The following RNGTT variants were observed in gnomAD, a reference collection of about 807,000 sequenced individuals.
RNGTT encodes mRNA-capping enzyme.
In RNGTT, 33 loss-of-function variants were observed where a neutral mutation model predicts 79.3. The observed-to-expected ratio is 0.42, with a 90% CI of 0.32 to 0.56. RNGTT has a LOEUF of 0.56. RNGTT is among the 20% of genes least tolerant of loss of function. The probability of loss-of-function intolerance (pLI) is 0.17; values close to 1 mark genes in which losing one functional copy is unlikely to be tolerated. For synonymous variants in RNGTT, 222 were observed against 235.9 expected (o/e 0.94, Z 0.54); for missense variants, 497 against 739.1 (o/e 0.67, Z 3.80).
At chr6:88,865,837 G>A (rs775414834) in intron 8 of RNGTT, among the ~76,000 whole-genome samples, 4 of 151,900 alleles carry the variant, frequency 2.6e-5, no homozygotes, top group Non-Finnish European at 4.4e-5. Context: ...CAATAAACCC[G>A]AAAGCTATAA....
Position 88,612,809 on chromosome 6 carries a change from A to C in RNGTT, c.1704T>G (p.Ala568=). 1 of 1,613,748 alleles carries C rather than the reference A, an allele frequency of 6.2e-7. No individual in the cohort carries two copies. The highest frequency in any genetic ancestry group is 8.5e-7 in the Non-Finnish European group (1 of 1,179,956). ...LFEFIDRCTA[A]SQGQKRKHHL... The stretch of plus-strand genomic sequence containing the variant: ...GATGTTTTCGCTTCTGTCCTTGAGA[A>C]GCTGCAGTACATCTGTCGATGAACT... Residue 568 remains alanine (A), a synonymous_variant, in exon 16 of 16, where the codon GCT becomes GCG. Transcript: ENST00000369485.
chr6:88,797,941 C>CAAAAAA (rs143559265), intron 12 of RNGTT, among the ~76,000 whole-genome samples: 1 of 65,812 alleles, frequency 1.5e-5, no homozygotes, highest in East Asian at 4.6e-4. Flanking sequence ...AAGCAAAAGC[C>CAAAAAA]AAAAAAAAAA....
At chr6:88,829,642 G>A (rs1378385465) in intron 11 of RNGTT, among the ~76,000 whole-genome samples, 1 of 146,692 alleles carries the variant, frequency 6.8e-6, no homozygotes, top group East Asian at 2.1e-4. Flanking sequence ...GCTCCTATGT[G>A]TGTGCAAAGA....
chr6:88,670,849 G>A lies in RNGTT; in HGVS notation c.1506+7504C>T, dbSNP rs140956306. 5.5e-3 allele frequency among the ~76,000 whole-genome samples: 841 copies of A among 152,206 alleles called. 8 individuals carry two copies. Among genetic ancestry groups the A allele is most frequent in the African/African-American group, 0.017 (726 of 41,528 alleles). The stretch of plus-strand genomic sequence containing the variant: ...CAGGAATCTTTACTTTGGGGAGCTC[G>A]GATCTTGAGACGCGAGTCTACCAAT... On this transcript the variant is annotated intron_variant, in intron 14 of 15. Transcript: ENST00000369485.
At chr6:88,755,982 A>AAAG (rs1314357025) in intron 13 of RNGTT, among the ~76,000 whole-genome samples, 1 of 150,778 alleles carries the variant, frequency 6.6e-6, no homozygotes, top group Non-Finnish European at 1.5e-5. Context: ...AAAAAAAAAA[A>AAAG]AAGAACATCT....
At chr6:88,711,776 A>C (rs939762816) in intron 13 of RNGTT, among the ~76,000 whole-genome samples, 2 of 152,208 alleles carry the variant, frequency 1.3e-5, no homozygotes, top group African/African-American at 4.8e-5. Flanking sequence ...AGTAAGGAGC[A>C]TTTGTTAGTT....
intron 1 of RNGTT, among the ~76,000 whole-genome samples, chr6:88,955,548 CAAAA>C (rs574649990): frequency 3.6e-5 from 2 of 55,758 alleles, no homozygotes; most frequent in African/African-American, 6.6e-5. Flanking sequence ...AGACTCATCT[CAAAA>C]AAAAAAAAAA....
intron 14 of RNGTT, among the ~76,000 whole-genome samples, chr6:88,665,403 T>A (rs1774360941): frequency 6.6e-6 from 1 of 152,110 alleles, no homozygotes; most frequent in Admixed American, 6.5e-5. Flanking sequence ...TATAGTGCCT[T>A]GTCAGTCTCC....
At chr6:88,688,311 T>C (rs1267666682) in intron 13 of RNGTT, among the ~76,000 whole-genome samples, 1 of 152,170 alleles carries the variant, frequency 6.6e-6, no homozygotes, top group Non-Finnish European at 1.5e-5. Flanking sequence ...ATAAGGACTA[T>C]CAGTAAGGCC....
chr6:88,810,535 T>TG (rs1232539580), intron 11 of RNGTT, among the ~76,000 whole-genome samples: 2 of 152,060 alleles, frequency 1.3e-5, no homozygotes, highest in African/African-American at 4.8e-5. Context: ...ACAGTCTCCA[T>TG]GAAAAAAAGG....
chr6:88,759,667 C>T (rs1778142615), intron 13 of RNGTT, among the ~76,000 whole-genome samples: 1 of 152,156 alleles, frequency 6.6e-6, no homozygotes, highest in African/African-American at 2.4e-5. Flanking sequence ...CACTGAGAAC[C>T]CTGACTCCCA....
intron 1 of RNGTT, among the ~76,000 whole-genome samples, chr6:88,955,303 C>A (rs1785389778): frequency 6.6e-6 from 1 of 152,064 alleles, no homozygotes; most frequent in African/African-American, 2.4e-5. Flanking sequence ...GCAATCCTAG[C>A]ACTTTGGGAG....
At chr6:88,893,155 C>A (rs1783110299) in intron 6 of RNGTT, among the ~76,000 whole-genome samples, 1 of 152,008 alleles carries the variant, frequency 6.6e-6, no homozygotes, top group South Asian at 2.1e-4. Context: ...GAAAGCTCAA[C>A]CAGATAGATG....
intron 1 of RNGTT, among the ~76,000 whole-genome samples, chr6:88,952,503 A>T (rs772793019): frequency 5.3e-5 from 8 of 152,254 alleles, no homozygotes; most frequent in Non-Finnish European, 7.3e-5. Context: ...CTGAAAGCCA[A>T]CTAACTCAGG....
At chr6:88,724,444 G>T (rs1178574311) in intron 13 of RNGTT, among the ~76,000 whole-genome samples, 1 of 152,154 alleles carries the variant, frequency 6.6e-6, no homozygotes, top group Non-Finnish European at 1.5e-5. Flanking sequence ...TAGCCTAGGA[G>T]CAATCCGCTA....
intron 2 of RNGTT, among the ~76,000 whole-genome samples, chr6:88,933,917 T>C (rs887656917): frequency 2.0e-5 from 3 of 152,254 alleles, no homozygotes; most frequent in Non-Finnish European, 4.4e-5. Flanking sequence ...GAAATTTCCA[T>C]ACTGTTTTCC....
At chr6:88,889,295 C>T (rs1451622678) in intron 8 of RNGTT, among the ~76,000 whole-genome samples, 1 of 151,676 alleles carries the variant, frequency 6.6e-6, no homozygotes, top group Admixed American at 6.6e-5. Flanking sequence ...TTAAATATTC[C>T]CAATAAAAAT....
chr6:88,765,897 A>G (rs1778444802), intron 13 of RNGTT, among the ~76,000 whole-genome samples: 1 of 152,196 alleles, frequency 6.6e-6, no homozygotes, highest in South Asian at 2.1e-4. Context: ...CTAAAGATAT[A>G]TGCATTTTAA....
intron 15 of RNGTT, among the ~76,000 whole-genome samples, chr6:88,613,734 GTGT>G (rs1160269511): frequency 6.6e-6 from 1 of 152,162 alleles, no homozygotes; most frequent in Non-Finnish European, 1.5e-5. Flanking sequence ...CAATTAATTT[GTGT>G]TGTTCCCCAT....
Sources: gnomAD v4.1 joint callset for allele counts (sites outside exome capture counted in the v4.1 genomes callset) on GRCh38, gnomAD v4.1.1 for gene constraint, MANE v1.5 for transcripts, NCBI Gene and HGNC (gene_info 2026-07-23, HGNC 2026-07-21) for gene names.